The following MAP2K6 variants were observed in gnomAD, a reference collection of about 807,000 sequenced individuals.
The protein encoded by MAP2K6 is dual specificity mitogen-activated protein kinase kinase 6.
Under a neutral mutation model 53.7 loss-of-function variants are expected in MAP2K6, and 16 were observed. The ratio of observed to expected loss-of-function variants is 0.30; its 90% confidence interval spans 0.20 to 0.45. MAP2K6 has a LOEUF of 0.45. Among genes scored for constraint, MAP2K6 ranks in the 20% least tolerant of loss-of-function variants. MAP2K6 has a pLI of 1.00. For synonymous variants in MAP2K6, 132 were observed against 143.1 expected (o/e 0.92, Z 0.55); for missense variants, 204 against 411.9 (o/e 0.50, Z 4.37).
At chr17:69,430,743 CGT>C (rs1428064401) in intron 1 of MAP2K6, among the ~76,000 whole-genome samples, 1 of 152,162 alleles carries the variant, frequency 6.6e-6, no homozygotes, top group African/African-American at 2.4e-5. Flanking sequence ...CAAGCCACTT[CGT>C]TTAAGACAGA....
chr17:69,424,095 C>T (rs1226879084), intron 1 of MAP2K6, among the ~76,000 whole-genome samples: 1 of 152,174 alleles, frequency 6.6e-6, no homozygotes, highest in East Asian at 1.9e-4. Flanking sequence ...TCATCTCCTG[C>T]AAAGTTTAGA....
At chr17:69,507,332 T>TTG (rs34572619) in intron 2 of MAP2K6, among the ~76,000 whole-genome samples, 15,583 of 149,340 alleles carry the variant, frequency 0.1, 990 homozygotes, top group Non-Finnish European at 0.15. Flanking sequence ...AAGTATTCCT[T>TTG]TGTGTGTGTG....
chr17:69,444,120 A>C (rs1427319566), intron 1 of MAP2K6, among the ~76,000 whole-genome samples: 1 of 152,152 alleles, frequency 6.6e-6, no homozygotes, highest in African/African-American at 2.4e-5. Context: ...TTGGTCCTAA[A>C]ATATTTTAGA....
chr17:69,460,698 T>G (rs1326954743), intron 1 of MAP2K6, among the ~76,000 whole-genome samples: 1 of 152,146 alleles, frequency 6.6e-6, no homozygotes, highest in African/African-American at 2.4e-5. Context: ...CCTCCTGGGC[T>G]CAAGTGATCC....
At chr17:69,509,199 A>G (rs551578837) in intron 2 of MAP2K6, among the ~76,000 whole-genome samples, 3 of 152,234 alleles carry the variant, frequency 2.0e-5, no homozygotes, top group Admixed American at 6.5e-5. Context: ...AATTTAGGGC[A>G]AATTGACATT....
intron 1 of MAP2K6, among the ~76,000 whole-genome samples, chr17:69,481,686 G>C (rs1908355853): frequency 6.6e-6 from 1 of 152,018 alleles, no homozygotes; most frequent in Non-Finnish European, 1.5e-5. Flanking sequence ...GATCTTTCCT[G>C]TGTGTGTGTC....
rs545062944 is a variant in MAP2K6, at chr17:69,494,321, A to C, written c.17-11459A>C. ...GTGACCAGCCTGGCCAACACGGTAAAACCTCATCTCTACTAAAAATACAAA... is the reference window on the plus strand; with the variant it reads ...GTGACCAGCCTGGCCAACACGGTAACACCTCATCTCTACTAAAAATACAAA... On this transcript the variant is annotated intron_variant, in intron 1 of 11. Transcript: ENST00000590474. This position sits in a 1 kb window ranked among gnomAD's most constrained non-coding sequence, Gnocchi z 4.2. 6.6e-6 allele frequency among the ~76,000 whole-genome samples: 1 copy of C among 152,152 alleles called. No homozygotes were observed. Among genetic ancestry groups the C allele is most frequent in the Admixed American group, 6.5e-5 (1 of 15,288 alleles).
chr17:69,544,428 T>C lies in MAP2K6; in HGVS notation c.*2675T>C, dbSNP rs1247692843. ...CAACCAACTTTTGAAAAAATCAAGATACCTAAACTATATATAAATGGGGAG... is the reference window on the plus strand; with the variant it reads ...CAACCAACTTTTGAAAAAATCAAGACACCTAAACTATATATAAATGGGGAG... On this transcript the variant is annotated 3_prime_UTR_variant, in exon 12 of 12. Coordinates refer to ENST00000590474, the MANE Select transcript of MAP2K6 (RefSeq NM_002758.4). 6.6e-6 allele frequency: 1 copy of C among 152,206 alleles called. No individual in the cohort carries two copies. The highest frequency in any genetic ancestry group is 2.4e-5 in the African/African-American group (1 of 41,454). The allele number at this position is 152,206 out of a possible 1,614,324, so 9.4% of individuals were successfully genotyped here.
intron 1 of MAP2K6, among the ~76,000 whole-genome samples, chr17:69,431,628 G>C (rs186527676): frequency 6.6e-6 from 1 of 152,292 alleles, no homozygotes; most frequent in East Asian, 1.9e-4. Flanking sequence ...GGCCTGGTAG[G>C]AGCTAAGTAA....
At chr17:69,489,762 G>A (rs973711725) in intron 1 of MAP2K6, among the ~76,000 whole-genome samples, 1 of 152,152 alleles carries the variant, frequency 6.6e-6, no homozygotes. Context: ...TAAATTTTTT[G>A]ATTTTCTTGA....
chr17:69,522,805 C>T (rs1210896071), intron 7 of MAP2K6, among the ~76,000 whole-genome samples: 1 of 151,120 alleles, frequency 6.6e-6, no homozygotes, highest in African/African-American at 2.4e-5. Context: ...CCTGTAATCA[C>T]AGCCCTTTGG....
At chr17:69,496,864 C>T (rs1482894412) in intron 1 of MAP2K6, among the ~76,000 whole-genome samples, 1 of 152,104 alleles carries the variant, frequency 6.6e-6, no homozygotes, top group Non-Finnish European at 1.5e-5. Flanking sequence ...TCTGCCCTTT[C>T]CCCACTGGCC....
Position 69,517,495 on chromosome 17 carries a change from T to C in MAP2K6, c.133-5T>C. 6.4e-7 allele frequency: 1 copy of C among 1,559,198 alleles called. No individual in the cohort carries two copies. Among genetic ancestry groups the C allele is most frequent in the Non-Finnish European group, 8.8e-7 (1 of 1,140,708 alleles). ...CCATTGCATTATTCCTTTTCTCTCT[T>C]GCAGAACTTTGAGGTGAAGGCAGAT... On this transcript the variant is annotated splice_region_variant and splice_polypyrimidine_tract_variant and intron_variant, in intron 3 of 11. Coordinates refer to ENST00000590474, the MANE Select transcript of MAP2K6 (RefSeq NM_002758.4).
intron 2 of MAP2K6, among the ~76,000 whole-genome samples, chr17:69,513,425 C>T (rs929945389): frequency 2.0e-5 from 3 of 152,140 alleles, no homozygotes; most frequent in African/African-American, 4.8e-5. Context: ...TTTTCAGCTC[C>T]GTTGATGACC....
chr17:69,452,588 A>G (rs1160604474), intron 1 of MAP2K6, among the ~76,000 whole-genome samples: 1 of 152,242 alleles, frequency 6.6e-6, no homozygotes, highest in Non-Finnish European at 1.5e-5. Context: ...TCTTCCTTCC[A>G]GAAGATTAAA....
At chr17:69,471,613 G>A (rs1828474019) in intron 1 of MAP2K6, among the ~76,000 whole-genome samples, 1 of 152,140 alleles carries the variant, frequency 6.6e-6, no homozygotes. Flanking sequence ...CAAACCTCAT[G>A]ATTATGCAAT....
chr17:69,467,173 G>C (rs751704016), intron 1 of MAP2K6, among the ~76,000 whole-genome samples: 2 of 152,138 alleles, frequency 1.3e-5, no homozygotes, highest in Non-Finnish European at 2.9e-5. Context: ...CTGCATCCTA[G>C]GCAGTAATAA....
chr17:69,484,553 G>A (rs1208231835), intron 1 of MAP2K6, among the ~76,000 whole-genome samples: 1 of 151,982 alleles, frequency 6.6e-6, no homozygotes, highest in African/African-American at 2.4e-5. Context: ...GTTACTGTTG[G>A]ACCTAGCAAT....
chr17:69,462,858 G>C (rs1907664542), intron 1 of MAP2K6, among the ~76,000 whole-genome samples: 1 of 152,070 alleles, frequency 6.6e-6, no homozygotes, highest in Non-Finnish European at 1.5e-5. Flanking sequence ...ACTTTGGGAG[G>C]CTGAGGCGGG....
Sources: allele counts gnomAD v4.1 joint callset (sites outside exome capture counted in the v4.1 genomes callset), GRCh38; gene constraint gnomAD v4.1.1; non-coding constraint Gnocchi (gnomAD v3.1); transcripts MANE v1.5; gene names NCBI Gene and HGNC (gene_info 2026-07-23, HGNC 2026-07-21).